Variants in GABRG3 observed in about 807,000 individuals in gnomAD.
GABRG3 encodes gamma-aminobutyric acid receptor subunit gamma-3.
Under a neutral mutation model 48.8 loss-of-function variants are expected in GABRG3, and 25 were observed. The observed-to-expected ratio is 0.51, with a 90% confidence interval of 0.37 to 0.72. The LOEUF is 0.72. Ranked by LOEUF, GABRG3 falls within the 30% of genes least tolerant of loss-of-function variation. The pLI, the probability that GABRG3 is intolerant of heterozygous loss-of-function variation, is 0.00. For missense variants in GABRG3, 394 were observed against 577.9 expected, an observed-to-expected ratio of 0.68 and a Z score of 3.26; for synonymous variants, 227 against 217.6, an observed-to-expected ratio of 1.04 and a Z score of -0.38.
intron 3 of GABRG3, among the ~76,000 whole-genome samples, chr15:27,288,637 C>G (rs2140484717): frequency 6.6e-6 from 1 of 151,556 alleles, no homozygotes; most frequent in Admixed American, 6.6e-5. Flanking sequence ...CACTTGAACC[C>G]AGGAGGTGGA....
At chr15:27,056,225 C>T (rs1392866060) in intron 3 of GABRG3, among the ~76,000 whole-genome samples, 1 of 151,550 alleles carries the variant, frequency 6.6e-6, no homozygotes, top group African/African-American at 2.4e-5. Flanking sequence ...GTGGTACACA[C>T]CTGTAGTCCC....
intron 3 of GABRG3, chr15:27,161,340 A>G (rs1887180513): frequency 6.6e-6 from 1 of 152,162 alleles, no homozygotes; most frequent in African/African-American, 2.4e-5. Context: ...ATGTCACAGC[A>G]GGCATTGTGA....
At chr15:27,306,110 TATATA>T (rs1243957470) in intron 3 of GABRG3, among the ~76,000 whole-genome samples, 25 of 118,004 alleles carry the variant, frequency 2.1e-4, no homozygotes, top group East Asian at 7.3e-4. Flanking sequence ...TATATAAACA[TATATA>T]ATATAAACCT....
chr15:27,367,831 A>G (rs1237574317), intron 5 of GABRG3, among the ~76,000 whole-genome samples: 1 of 152,114 alleles, frequency 6.6e-6, no homozygotes, highest in Non-Finnish European at 1.5e-5. Flanking sequence ...CCTTCTGTTG[A>G]CCCAAGCAAA....
chr15:27,541,165 C>T lies in GABRG3; in HGVS notation c.*8284C>T, dbSNP rs1891654834. On this transcript the variant is annotated 3_prime_UTR_variant, in exon 10 of 10. Coordinates refer to ENST00000615808, the MANE Select transcript of GABRG3 (RefSeq NM_033223.5). ...ACAAGCCTGCCTCCTTTGGAGAGCC[C>T]TTGAGCATCACTGTTGTGACCGGGG... is the stretch of plus-strand genomic sequence containing the variant. 1 of 152,202 alleles carries T rather than the reference C, an allele frequency of 6.6e-6. No individual in the cohort carries two copies. The allele number at this position is 152,202 out of a possible 1,614,324, so 9.4% of individuals were successfully genotyped here.
chr15:27,367,318 A>G (rs986246309), intron 5 of GABRG3, among the ~76,000 whole-genome samples: 3 of 152,194 alleles, frequency 2.0e-5, no homozygotes, highest in East Asian at 1.9e-4. Flanking sequence ...CCCTAGGCCA[A>G]CACACCTCTT....
At chr15:27,374,903 T>C (rs1447245919) in intron 5 of GABRG3, among the ~76,000 whole-genome samples, 1 of 152,034 alleles carries the variant, frequency 6.6e-6, no homozygotes, top group East Asian at 1.9e-4. Context: ...GGCAGATGAA[T>C]AGGAAAAAAT....
chr15:27,044,404 G>A (rs2376479), intron 3 of GABRG3, among the ~76,000 whole-genome samples: 65,758 of 151,672 alleles, frequency 0.43, 14,860 homozygotes, highest in South Asian at 0.56. Context: ...TTGACTAAAA[G>A]AAAATATAAA....
At chr15:27,444,451 T>C (rs1462972145) in intron 5 of GABRG3, among the ~76,000 whole-genome samples, 2 of 152,188 alleles carry the variant, frequency 1.3e-5, no homozygotes, top group Admixed American at 6.5e-5. Flanking sequence ...GTACACATGC[T>C]TTATTTTGGT....
At position 27,533,125 on chromosome 15, in the gene GABRG3, T is replaced by G; in HGVS notation, c.*244T>G. The G allele has an allele frequency of 4.7e-6, 2 of 430,018 alleles. No individual in the cohort carries two copies. The highest frequency in any genetic ancestry group is 8.3e-6 in the Non-Finnish European group (2 of 240,676). 26.6% of individuals were successfully genotyped at this position (430,018 alleles called of 1,614,324 possible). A position where few individuals can be genotyped will look rare whatever the true frequency, so the allele number is the denominator to read the frequency against. ...AAGTAATATTCTTGCTAATCCCTAC[T>G]GAATTGTAGCTTGGTGTTGTTTCTG... On this transcript the variant is annotated 3_prime_UTR_variant, in exon 10 of 10. Transcript: ENST00000615808.
At chr15:27,424,570 T>C (rs1305995924) in intron 5 of GABRG3, among the ~76,000 whole-genome samples, 1 of 150,392 alleles carries the variant, frequency 6.6e-6, no homozygotes, top group Non-Finnish European at 1.5e-5. Flanking sequence ...TTTTTTTTTT[T>C]GAGACAGAGT....
intron 3 of GABRG3, among the ~76,000 whole-genome samples, chr15:27,249,080 A>G (rs556892650): frequency 6.6e-6 from 1 of 152,228 alleles, no homozygotes; most frequent in African/African-American, 2.4e-5. Flanking sequence ...AATGCATACA[A>G]AGGAATATTC....
chr15:26,972,115 G>A (rs1176796523), intron 1 of GABRG3, among the ~76,000 whole-genome samples: 2 of 151,988 alleles, frequency 1.3e-5, no homozygotes, highest in African/African-American at 4.8e-5. Context: ...AGCCCTGCTT[G>A]TCTGGGAGGA....
chr15:27,111,760 T>G lies in GABRG3; in HGVS notation c.270+84939T>G, dbSNP rs1180713180. On this transcript the variant is annotated intron_variant, in intron 3 of 9. Coordinates refer to ENST00000615808, the MANE Select transcript of GABRG3 (RefSeq NM_033223.5). ...AGGGAGCATTCTGTACTTTTCTGCT[T>G]CAATCTGTCTTGTAGCAGGTCTGCA... is the stretch of plus-strand genomic sequence containing the variant. Among the ~76,000 whole-genome samples, 8 of 152,104 alleles carry G rather than the reference T, an allele frequency of 5.3e-5. 1 individual carries two copies. Among genetic ancestry groups the G allele is most frequent in the Admixed American group, 4.6e-4 (7 of 15,262 alleles).
intron 5 of GABRG3, among the ~76,000 whole-genome samples, chr15:27,424,130 C>G (rs1312575422): frequency 6.6e-6 from 1 of 152,022 alleles, no homozygotes. Flanking sequence ...TTGATGAGAA[C>G]GTCTTTGCTT....
chr15:27,436,981 CCTT>C (rs1359732972), intron 5 of GABRG3, among the ~76,000 whole-genome samples: 2 of 131,800 alleles, frequency 1.5e-5, no homozygotes, highest in African/African-American at 3.2e-5. Flanking sequence ...GGGTGAGACT[CCTT>C]CTCCGAAAAA....
At chr15:27,306,978 T>C (rs147074979) in intron 3 of GABRG3, among the ~76,000 whole-genome samples, 1 of 58,118 alleles carries the variant, frequency 1.7e-5, no homozygotes, top group East Asian at 2.9e-4. Context: ...TAAACATATA[T>C]AATATAAACA....
chr15:27,205,833 C>G (rs1888834383), intron 3 of GABRG3, among the ~76,000 whole-genome samples: 1 of 151,580 alleles, frequency 6.6e-6, no homozygotes, highest in Non-Finnish European at 1.5e-5. Context: ...TCAATTTCTT[C>G]TAGATTTTCT....
intron 3 of GABRG3, among the ~76,000 whole-genome samples, chr15:27,250,450 G>C (rs1470242600): frequency 6.6e-6 from 1 of 152,062 alleles, no homozygotes; most frequent in Non-Finnish European, 1.5e-5. Flanking sequence ...GCTTTTTTTT[G>C]AAAAGGAGTC....
Sources: allele counts gnomAD v4.1 joint callset (sites outside exome capture counted in the v4.1 genomes callset), GRCh38; gene constraint gnomAD v4.1.1; transcripts MANE v1.5; gene names NCBI Gene and HGNC (gene_info 2026-07-23, HGNC 2026-07-21).